The following CADPS variants were observed in gnomAD, a reference collection of about 807,000 sequenced individuals.
CADPS encodes calcium dependent secretion activator.
A neutral mutation model predicts 167.3 loss-of-function variants in CADPS; 57 were observed. The observed-to-expected ratio is 0.34, with a 90% confidence interval of 0.28 to 0.42. The LOEUF (loss-of-function observed/expected upper bound fraction) is 0.42, where lower values mean the gene tolerates loss of function less well. Ranked by LOEUF, CADPS falls within the 20% of genes least tolerant of loss-of-function variation. The pLI, the probability that CADPS is intolerant of heterozygous loss-of-function variation, is 1.00. For synonymous variants in CADPS, 676 were observed against 635.3 expected (o/e 1.06, Z -0.96); for missense variants, 1,414 against 1,738.1 (o/e 0.81, Z 3.32).
At chr3:62,818,636 G>A (rs1423826780) in intron 1 of CADPS, among the ~76,000 whole-genome samples, 1 of 152,182 alleles carries the variant, frequency 6.6e-6, no homozygotes, top group Non-Finnish European at 1.5e-5. Flanking sequence ...TTTGGCAGAT[G>A]AGATAAACAT....
chr3:62,696,197 G>T (rs1331722115), intron 3 of CADPS, among the ~76,000 whole-genome samples: 1 of 152,052 alleles, frequency 6.6e-6, no homozygotes, highest in African/African-American at 2.4e-5. Context: ...TGCAAACCAG[G>T]CTTCTGCTCT....
intron 1 of CADPS, among the ~76,000 whole-genome samples, chr3:62,787,573 T>C (rs747838687): frequency 1.3e-5 from 2 of 152,174 alleles, no homozygotes; most frequent in Non-Finnish European, 2.9e-5. Flanking sequence ...ATAATACTAA[T>C]TATTAATAAA....
At chr3:62,654,927 C>A (rs551792938) in intron 4 of CADPS, among the ~76,000 whole-genome samples, 1 of 152,150 alleles carries the variant, frequency 6.6e-6, no homozygotes, top group African/African-American at 2.4e-5. Context: ...CCTTCTATCA[C>A]AACTTATCTT....
At chr3:62,580,454 G>A (rs1330962055) in intron 8 of CADPS, among the ~76,000 whole-genome samples, 1 of 152,042 alleles carries the variant, frequency 6.6e-6, no homozygotes, top group Non-Finnish European at 1.5e-5. Flanking sequence ...GGGGAGTGGG[G>A]AGGGATAGCA....
intron 6 of CADPS, among the ~76,000 whole-genome samples, chr3:62,616,031 C>T (rs2062224553): frequency 6.6e-6 from 1 of 151,930 alleles, no homozygotes; most frequent in African/African-American, 2.4e-5. Context: ...TGTTTTTTTT[C>T]CTTTGCCTAC....
intron 11 of CADPS, among the ~76,000 whole-genome samples, chr3:62,543,250 C>T (rs1561909498): frequency 6.6e-6 from 1 of 152,148 alleles, no homozygotes; most frequent in Non-Finnish European, 1.5e-5. Flanking sequence ...TTTGATATTG[C>T]ATTCCTGCAA....
chr3:62,861,308 C>G (rs1295882617), intron 1 of CADPS, among the ~76,000 whole-genome samples: 2 of 152,110 alleles, frequency 1.3e-5, no homozygotes, highest in East Asian at 1.9e-4. Flanking sequence ...TTAAATATAA[C>G]TTAAAGGGCA....
At chr3:62,578,515 C>T (rs1043904000) in intron 8 of CADPS, among the ~76,000 whole-genome samples, 6 of 146,464 alleles carry the variant, frequency 4.1e-5, no homozygotes, top group African/African-American at 1.5e-4. Context: ...GAGGCTGAGG[C>T]AGGAGAATGG....
intron 3 of CADPS, among the ~76,000 whole-genome samples, chr3:62,692,585 A>C (rs1359313877): frequency 6.6e-6 from 1 of 152,086 alleles, no homozygotes; most frequent in Non-Finnish European, 1.5e-5. Flanking sequence ...GGCCTATCAC[A>C]AACATAAATC....
At chr3:62,699,456 A>G (rs1455837405) in intron 3 of CADPS, among the ~76,000 whole-genome samples, 1 of 152,142 alleles carries the variant, frequency 6.6e-6, no homozygotes, top group East Asian at 1.9e-4. Flanking sequence ...CTGAGGTGTG[A>G]CCTAGACGTG....
chr3:62,722,755 G>A (rs1174996889), intron 3 of CADPS, among the ~76,000 whole-genome samples: 1 of 152,196 alleles, frequency 6.6e-6, no homozygotes, highest in African/African-American at 2.4e-5. Context: ...TTGATCCAGC[G>A]TATAGTTTCT....
intron 13 of CADPS, among the ~76,000 whole-genome samples, chr3:62,524,416 G>A (rs2071529488): frequency 1.3e-5 from 2 of 151,988 alleles, no homozygotes; most frequent in Non-Finnish European, 2.9e-5. Flanking sequence ...GATGCCCTGG[G>A]GCTCAGACAC....
chr3:62,559,761 T>C (rs1470071853), intron 9 of CADPS, among the ~76,000 whole-genome samples: 1 of 152,190 alleles, frequency 6.6e-6, no homozygotes. Flanking sequence ...CCCAAAGTGC[T>C]GGGATTACAG....
intron 11 of CADPS, among the ~76,000 whole-genome samples, chr3:62,547,591 C>CCG (rs2076682182): frequency 1.2e-5 from 1 of 83,710 alleles, no homozygotes; most frequent in Non-Finnish European, 2.4e-5. Flanking sequence ...TTTACGCCCC[C>CCG]CCCCCCCCGC....
At chr3:62,768,889 C>T (rs1276401375) in intron 1 of CADPS, among the ~76,000 whole-genome samples, 1 of 152,178 alleles carries the variant, frequency 6.6e-6, no homozygotes, top group East Asian at 1.9e-4. Flanking sequence ...CCTTGCTTTC[C>T]TAGTCACATT....
intron 6 of CADPS, among the ~76,000 whole-genome samples, chr3:62,623,784 T>C (rs535057346): frequency 1.4e-3 from 214 of 152,262 alleles, no homozygotes; most frequent in Admixed American, 2.5e-3. Context: ...GGCTGAACAA[T>C]CATTCTCTTA....
chr3:62,645,655 A>T, intron 6 of CADPS, 67 bp downstream of exon 6: 1 of 1,562,026 alleles, frequency 6.4e-7, no homozygotes, highest in Non-Finnish European at 8.8e-7. Flanking sequence ...TTTACCTTGG[A>T]GTTGGCCAAA....
At chr3:62,558,178 G>A (rs932304216) in intron 9 of CADPS, among the ~76,000 whole-genome samples, 3 of 152,172 alleles carry the variant, frequency 2.0e-5, no homozygotes, top group Non-Finnish European at 4.4e-5. Flanking sequence ...AGCAATGAGC[G>A]CTTGATCGCT....
intron 2 of CADPS, among the ~76,000 whole-genome samples, chr3:62,758,879 C>T (rs973995245): frequency 6.6e-6 from 1 of 152,204 alleles, no homozygotes; most frequent in African/African-American, 2.4e-5. Flanking sequence ...CACATCAGTA[C>T]TTAGTGACTG....
Sources: allele counts gnomAD v4.1 joint callset (sites outside exome capture counted in the v4.1 genomes callset), GRCh38; gene constraint gnomAD v4.1.1; transcripts MANE v1.5; gene names NCBI Gene and HGNC (gene_info 2026-07-23, HGNC 2026-07-21).